CATSPERT: variants seen among roughly 807,000 people sequenced by gnomAD.
CATSPERT encodes the protein cation channel sperm-associated targeting subunit tau.
At chr2:201,606,476 A>C in the CATSPERT span, among the ~76,000 whole-genome samples, 1 of 152,232 alleles carries the variant, frequency 6.6e-6, no homozygotes, top group Admixed American at 6.5e-5. Context: ...TTCATGTATC[A>C]AGGCTATTTT....
the CATSPERT span, chr2:201,536,359 A>G: frequency 6.5e-7 from 1 of 1,537,108 alleles, no homozygotes; most frequent in Non-Finnish European, 8.7e-7. Flanking sequence ...CCAGTTAATC[A>G]TTATTGACTG....
the CATSPERT span, among the ~76,000 whole-genome samples, chr2:201,512,677 C>T: frequency 6.6e-6 from 1 of 151,974 alleles, no homozygotes; most frequent in African/African-American, 2.4e-5. Context: ...AGTTTATTCA[C>T]CAGTTAAAGG....
chr2:201,545,492 C>T, the CATSPERT span: 1 of 1,185,328 alleles, frequency 8.4e-7, no homozygotes, highest in Non-Finnish European at 1.2e-6. Context: ...GTGATATAAT[C>T]ACTTTGATTT....
chr2:201,508,143 A>G, the CATSPERT span, among the ~76,000 whole-genome samples: 4 of 152,246 alleles, frequency 2.6e-5, no homozygotes, highest in African/African-American at 9.6e-5. Context: ...TGCAAATTAT[A>G]GAAACTAACA....
At chr2:201,601,826 T>C in the CATSPERT span, 1 of 1,610,498 alleles carries the variant, frequency 6.2e-7, no homozygotes, top group Non-Finnish European at 8.5e-7. Context: ...TTTTTGTACA[T>C]TTCACAGCTT....
chr2:201,549,454 C>T, the CATSPERT span, among the ~76,000 whole-genome samples: 1 of 152,022 alleles, frequency 6.6e-6, no homozygotes, highest in Admixed American at 6.6e-5. Flanking sequence ...CCATATTATA[C>T]AATCAAAAAG....
chr2:201,498,443 T>G, the CATSPERT span, among the ~76,000 whole-genome samples: 1 of 152,066 alleles, frequency 6.6e-6, no homozygotes, highest in Non-Finnish European at 1.5e-5. Context: ...GCAAGCAAGC[T>G]CATCCCTCCT....
the CATSPERT span, among the ~76,000 whole-genome samples, chr2:201,517,003 C>T: frequency 4.0e-5 from 6 of 151,560 alleles, no homozygotes; most frequent in East Asian, 1.9e-4. Flanking sequence ...TCCCTGCCTC[C>T]GGAAAGCTCC....
At chr2:201,512,176 G>A in the CATSPERT span, among the ~76,000 whole-genome samples, 1 of 152,044 alleles carries the variant, frequency 6.6e-6, no homozygotes, top group African/African-American at 2.4e-5. Flanking sequence ...TCTTAGGTAA[G>A]TTTTCTTTTT....
At chr2:201,510,555 C>T in the CATSPERT span, among the ~76,000 whole-genome samples, 1 of 152,170 alleles carries the variant, frequency 6.6e-6, no homozygotes, top group Non-Finnish European at 1.5e-5. Context: ...CTGCTAACCA[C>T]ACTAGGGATT....
chr2:201,553,851 A>AT, the CATSPERT span: 1 of 152,096 alleles, frequency 6.6e-6, no homozygotes, highest in Admixed American at 6.6e-5. Context: ...TTTCCAGAAA[A>AT]TTTTTTGTAT....
At chr2:201,584,275 G>A in the CATSPERT span, among the ~76,000 whole-genome samples, 1 of 152,030 alleles carries the variant, frequency 6.6e-6, no homozygotes, top group African/African-American at 2.4e-5. Flanking sequence ...GGGTGACAGA[G>A]GGAGACCCTG....
the CATSPERT span, among the ~76,000 whole-genome samples, chr2:201,593,735 G>T: frequency 3.4e-5 from 5 of 148,988 alleles, no homozygotes; most frequent in East Asian, 3.9e-4. Context: ...TTATGTAATG[G>T]CCTTCTTTGT....
the CATSPERT span, among the ~76,000 whole-genome samples, chr2:201,577,044 C>T: frequency 7.9e-5 from 12 of 152,180 alleles, no homozygotes; most frequent in Non-Finnish European, 1.5e-4. Flanking sequence ...AGTAAAAAAA[C>T]TCCATACTTG....
At chr2:201,537,843 AG>A in the CATSPERT span, among the ~76,000 whole-genome samples, 1 of 152,040 alleles carries the variant, frequency 6.6e-6, no homozygotes, top group South Asian at 2.1e-4. Flanking sequence ...CATTCAAGGA[AG>A]GCTGGTTAAA....
At chr2:201,516,491 G>A in the CATSPERT span, among the ~76,000 whole-genome samples, 23 of 152,086 alleles carry the variant, frequency 1.5e-4, no homozygotes, top group Non-Finnish European at 2.6e-4. Context: ...AGAACAGCAC[G>A]GGGGAAATCG....
the CATSPERT span, chr2:201,535,752 T>C: frequency 2.2e-6 from 3 of 1,348,682 alleles, no homozygotes; most frequent in East Asian, 5.4e-5. Flanking sequence ...TTTGAATGCA[T>C]TTTCGATTTA....
At chr2:201,504,020 A>G in the CATSPERT span, among the ~76,000 whole-genome samples, 1 of 152,174 alleles carries the variant, frequency 6.6e-6, no homozygotes, top group Non-Finnish European at 1.5e-5. Flanking sequence ...GTGAGTACCT[A>G]TAATTTTCTA....
chr2:201,508,810 G>A, the CATSPERT span, among the ~76,000 whole-genome samples: 1 of 133,030 alleles, frequency 7.5e-6, no homozygotes, highest in African/African-American at 2.9e-5. Flanking sequence ...CATGTGACGA[G>A]ATTTCTTTTT....
Sources: gnomAD v4.1 joint callset for allele counts (sites outside exome capture counted in the v4.1 genomes callset) on GRCh38, gnomAD v4.1.1 for gene constraint, MANE v1.5 for transcripts, NCBI Gene and HGNC (gene_info 2026-07-23, HGNC 2026-07-21) for gene names.